Variants in ZNF827 observed in about 807,000 individuals in gnomAD.
ZNF827 encodes the protein zinc finger protein 827.
ZNF827 carries 13 observed loss-of-function variants against 102.4 expected under a neutral mutation model. That is an observed-to-expected ratio of 0.13 (90% CI 0.08 to 0.20). ZNF827 has a LOEUF of 0.20. Among genes scored for constraint, ZNF827 ranks in the 10% least tolerant of loss-of-function variants. The pLI, the probability that ZNF827 is intolerant of heterozygous loss-of-function variation, is 1.00. For synonymous variants in ZNF827, 523 were observed against 536.2 expected, an observed-to-expected ratio of 0.98 and a Z score of 0.34; for missense variants, 1,103 against 1,344.4, an observed-to-expected ratio of 0.82 and a Z score of 2.81.
chr4:145,808,485 T>C (rs932772006), intron 8 of ZNF827, among the ~76,000 whole-genome samples: 2 of 152,124 alleles, frequency 1.3e-5, no homozygotes, highest in African/African-American at 4.8e-5. Flanking sequence ...CCTAGATACT[T>C]AGGGCGGAGA....
At chr4:145,827,737 A>G (rs1049300041) in intron 7 of ZNF827, among the ~76,000 whole-genome samples, 6 of 152,240 alleles carry the variant, frequency 3.9e-5, no homozygotes, top group Non-Finnish European at 8.8e-5. Flanking sequence ...AGCATGCCCT[A>G]TAGAGCAGAG....
At chr4:145,801,170 T>C (rs1383178813) in intron 8 of ZNF827, among the ~76,000 whole-genome samples, 4 of 151,726 alleles carry the variant, frequency 2.6e-5, no homozygotes, top group Non-Finnish European at 5.9e-5. Flanking sequence ...AAAAAAAAAA[T>C]CCTCTATGTA....
chr4:145,757,837 T>TGAA lies in ZNF827; in HGVS notation c.*3776_*3778dup, dbSNP rs980916619. ...ACAGTATGATCATCTGAACATAATA[T>TGAA]GAAGAGTTAAAAAAAGGATAGAAGA... On this transcript the variant is annotated 3_prime_UTR_variant, in exon 15 of 15. Coordinates refer to ENST00000508784, the MANE Select transcript of ZNF827 (RefSeq NM_001306215.2). 8 of 151,114 alleles carry TGAA rather than the reference T, an allele frequency of 5.3e-5. No homozygotes were observed. Among genetic ancestry groups the TGAA allele is most frequent in the Admixed American group, 2.6e-4 (4 of 15,216 alleles). 9.4% of individuals were successfully genotyped at this position (151,114 alleles called of 1,614,324 possible).
intron 8 of ZNF827, among the ~76,000 whole-genome samples, chr4:145,781,195 C>CAAAAAAAAAAAAAAAAAAAACA (rs1737946510): frequency 1.8e-5 from 1 of 56,546 alleles, no homozygotes; most frequent in Non-Finnish European, 2.8e-5. Flanking sequence ...GACACCATCT[C>CAAAAAAAAAAAAAAAAAAAACA]AAAAAAAAAA....
chr4:145,793,620 T>C (rs891233385), intron 8 of ZNF827, among the ~76,000 whole-genome samples: 4 of 151,994 alleles, frequency 2.6e-5, no homozygotes, highest in Non-Finnish European at 4.4e-5. Flanking sequence ...CCCAGCCCAC[T>C]GACTCAAATA....
chr4:145,846,493 C>CA (rs372677526), intron 6 of ZNF827, among the ~76,000 whole-genome samples: 1 of 140,632 alleles, frequency 7.1e-6, no homozygotes, highest in African/African-American at 2.8e-5. Context: ...AACAAACAAA[C>CA]AAAAAAACAC....
chr4:145,760,852 G>A lies in ZNF827; in HGVS notation c.*764C>T. 8.3e-7 allele frequency: 1 copy of A among 1,211,664 alleles called. No individual in the cohort carries two copies. The allele number at this position is 1,211,664 out of a possible 1,614,324, so 75.1% of individuals were successfully genotyped here. On this transcript the variant is annotated 3_prime_UTR_variant, in exon 15 of 15. Transcript: ENST00000508784. ...GTGTTTGGGTGAGGGGATGCTGGGAGGCGCAGTCTGAGGTCGGGGAGGGTG... is the reference window on the plus strand; with the variant it reads ...GTGTTTGGGTGAGGGGATGCTGGGAAGCGCAGTCTGAGGTCGGGGAGGGTG...
chr4:145,793,939 C>CT, intron 8 of ZNF827, among the ~76,000 whole-genome samples: 1 of 150,534 alleles, frequency 6.6e-6, no homozygotes, highest in Non-Finnish European at 1.5e-5. Flanking sequence ...CAGTGAAACT[C>CT]TGACTGGGGG....
intron 7 of ZNF827, among the ~76,000 whole-genome samples, chr4:145,837,170 C>T (rs1447669218): frequency 6.6e-6 from 1 of 152,172 alleles, no homozygotes. Flanking sequence ...CTTTATTAGT[C>T]AAATCAGCCA....
At chr4:145,857,105 T>C (rs1242515505) in intron 5 of ZNF827, among the ~76,000 whole-genome samples, 7 of 152,238 alleles carry the variant, frequency 4.6e-5, no homozygotes, top group Non-Finnish European at 1.0e-4. Context: ...TTTCCCTCTA[T>C]ATCAGTATAA....
chr4:145,901,410 G>A (rs1211152782), intron 2 of ZNF827, among the ~76,000 whole-genome samples: 1 of 152,202 alleles, frequency 6.6e-6, no homozygotes, highest in Non-Finnish European at 1.5e-5. Context: ...ATGAATAATT[G>A]TGAATGCTAA....
intron 4 of ZNF827, among the ~76,000 whole-genome samples, chr4:145,875,843 G>C (rs2126781275): frequency 6.6e-6 from 1 of 152,186 alleles, no homozygotes; most frequent in African/African-American, 2.4e-5. Flanking sequence ...AGTGTTCCAA[G>C]GAACCCTAGG....
At chr4:145,897,707 A>C (rs1356744975) in intron 2 of ZNF827, among the ~76,000 whole-genome samples, 1 of 152,226 alleles carries the variant, frequency 6.6e-6, no homozygotes, top group African/African-American at 2.4e-5. Context: ...TTAACTAGTA[A>C]ATATTCAGAG....
chr4:145,804,914 C>T (rs1259108762), intron 8 of ZNF827, among the ~76,000 whole-genome samples: 1 of 152,100 alleles, frequency 6.6e-6, no homozygotes, highest in African/African-American at 2.4e-5. Flanking sequence ...CTGTCTTACA[C>T]AATATAATTT....
chr4:145,842,356 C>T (rs1393660170), intron 7 of ZNF827, among the ~76,000 whole-genome samples: 5 of 152,272 alleles, frequency 3.3e-5, no homozygotes, highest in East Asian at 1.9e-4. Context: ...CCAACCCATA[C>T]GGGATGGAGA....
intron 1 of ZNF827, among the ~76,000 whole-genome samples, chr4:145,907,920 C>T (rs748001147): frequency 3.3e-5 from 5 of 152,106 alleles, no homozygotes; most frequent in Non-Finnish European, 7.4e-5. Flanking sequence ...TTCCATGTGG[C>T]GAATATTTCT....
Position 145,783,847 on chromosome 4 carries a change from C to A in ZNF827, c.2384-4336G>T, listed in dbSNP as rs145785236. 2.7e-3 allele frequency among the ~76,000 whole-genome samples: 410 copies of A among 152,278 alleles called. 1 individual carries two copies. The highest frequency in any genetic ancestry group is 9.4e-3 in the African/African-American group (390 of 41,554). On this transcript the variant is annotated intron_variant, in intron 8 of 14. Coordinates refer to ENST00000508784, the MANE Select transcript of ZNF827 (RefSeq NM_001306215.2). ...TATAGGTCCTTGATGTGGTTTGGTT[C>A]TGTGTCCCTGCTTAAATCTCATGTC...
chr4:145,800,587 C>T (rs758185418), intron 8 of ZNF827, among the ~76,000 whole-genome samples: 3 of 152,092 alleles, frequency 2.0e-5, no homozygotes, highest in African/African-American at 4.8e-5. Context: ...TACAGCTGGT[C>T]CCTGAGTCTT....
In ZNF827 at chr4:145,885,782, G is replaced by C. The variant is rs1750069449; in HGVS notation, c.1643C>G (p.Thr548Arg). 6.2e-7 allele frequency: 1 copy of C among 1,612,004 alleles called. No individual in the cohort carries two copies. Among genetic ancestry groups the C allele is most frequent in the East Asian group, 2.2e-5 (1 of 44,874 alleles). ...LNAADRPANH[T>R]KLKDPSEYVA... ...ATACTCGGAGGGGTCTTTCAGCTTT[G>C]TGTGGTTGGCGGGCCTGTCGGCAGC... Residue 548 changes from threonine (T) to arginine (R), a missense_variant, in exon 4 of 15, where the codon ACA (threonine) becomes AGA (arginine). Transcript: ENST00000508784.
Sources: gnomAD v4.1 joint callset for allele counts (sites outside exome capture counted in the v4.1 genomes callset) on GRCh38, gnomAD v4.1.1 for gene constraint, MANE v1.5 for transcripts, NCBI Gene and HGNC (gene_info 2026-07-23, HGNC 2026-07-21) for gene names.